ZNF133: variants seen among roughly 807,000 people sequenced by gnomAD.
ZNF133 encodes the protein zinc finger protein 133 (clone pHZ-13).
In ZNF133, 26 loss-of-function variants were observed where a neutral mutation model predicts 54.9. The ratio of observed to expected loss-of-function variants is 0.47; its 90% CI spans 0.35 to 0.66. ZNF133 has a LOEUF of 0.66. Among genes scored for constraint, ZNF133 ranks in the 30% least tolerant of loss-of-function variants. The pLI, the probability that ZNF133 is intolerant of heterozygous loss-of-function variation, is 0.01. For synonymous variants in ZNF133, 298 were observed against 320.3 expected (o/e 0.93, Z 0.74); for missense variants, 653 against 820.8 (o/e 0.80, Z 2.50).
In ZNF133 at chr20:18,300,315, A is replaced by G. The variant is rs182572485; in HGVS notation, c.-178+1851A>G. ...GTAATCCCCTTGGTTACCACAAAGAAAATATCTGTAGGATGTAGAGAAAAG... is the reference window on the plus strand; with the variant it reads ...GTAATCCCCTTGGTTACCACAAAGAGAATATCTGTAGGATGTAGAGAAAAG... On this transcript the variant is annotated intron_variant, in intron 3 of 6. Coordinates refer to ENST00000425686, the MANE Select transcript of ZNF133 (RefSeq NM_001352452.2). 2.4e-3 allele frequency among the ~76,000 whole-genome samples: 373 copies of G among 152,312 alleles called. 1 individual carries two copies. The highest frequency in any genetic ancestry group is 8.3e-3 in the African/African-American group (346 of 41,578).
chr20:18,297,303 G>T (rs1355141943), intron 1 of ZNF133, among the ~76,000 whole-genome samples: 1 of 151,704 alleles, frequency 6.6e-6, no homozygotes, highest in Non-Finnish European at 1.5e-5. Context: ...TTATAAGTTT[G>T]TCTTCATTTA....
chr20:18,310,824 C>T (rs901364177), intron 6 of ZNF133, among the ~76,000 whole-genome samples: 52 of 152,212 alleles, frequency 3.4e-4, no homozygotes, highest in African/African-American at 1.2e-3. Flanking sequence ...TCAATTTAGC[C>T]ATGTCACAAT....
chr20:18,312,710 TTTTA>T (rs1473217109), intron 6 of ZNF133: 8 of 138,720 alleles, frequency 5.8e-5, no homozygotes, highest in Non-Finnish European at 1.1e-4. Context: ...CAATTTTCAA[TTTTA>T]TTTATTTTTT....
At chr20:18,301,019 C>T (rs1253618617) in intron 3 of ZNF133, among the ~76,000 whole-genome samples, 2 of 152,102 alleles carry the variant, frequency 1.3e-5, no homozygotes, top group Non-Finnish European at 2.9e-5. Flanking sequence ...CTCAAGTACA[C>T]ATGGGACATT....
At chr20:18,289,099 C>T (rs2146683742) in intron 1 of ZNF133, among the ~76,000 whole-genome samples, 1 of 150,618 alleles carries the variant, frequency 6.6e-6, no homozygotes, top group South Asian at 2.1e-4. Context: ...TATTCTTCGG[C>T]TTTGCTGGAG....
intron 6 of ZNF133, 67 bp downstream of exon 6, chr20:18,306,460 G>T: frequency 6.7e-7 from 1 of 1,503,270 alleles, no homozygotes; most frequent in Non-Finnish European, 9.1e-7. Flanking sequence ...GGGAGAGGAG[G>T]CGTTGCTCAG....
chr20:18,294,684 G>T (rs1307181484), intron 1 of ZNF133, among the ~76,000 whole-genome samples: 13 of 152,128 alleles, frequency 8.5e-5, no homozygotes, highest in Non-Finnish European at 2.9e-5. Flanking sequence ...TGAAGAAGGG[G>T]TGTTGAGTTT....
intron 6 of ZNF133, among the ~76,000 whole-genome samples, chr20:18,312,095 G>C (rs949945278): frequency 1.3e-5 from 2 of 152,164 alleles, no homozygotes; most frequent in Non-Finnish European, 2.9e-5. Flanking sequence ...AGTCTAAACA[G>C]GAATTTCATT....
chr20:18,294,356 A>G (rs1332451508), intron 1 of ZNF133, among the ~76,000 whole-genome samples: 1 of 152,206 alleles, frequency 6.6e-6, no homozygotes, highest in Non-Finnish European at 1.5e-5. Context: ...TCTGTCACAG[A>G]TTGGAGGAGG....
chr20:18,299,710 G>A (rs547019411), intron 3 of ZNF133, among the ~76,000 whole-genome samples: 73 of 152,200 alleles, frequency 4.8e-4, no homozygotes, highest in African/African-American at 1.6e-3. Flanking sequence ...GCAACACTAC[G>A]TACAAGGGAT....
Position 18,294,521 on chromosome 20 carries a change from A to G in ZNF133, c.-431-3464A>G, listed in dbSNP as rs538837710. Among the ~76,000 whole-genome samples the G allele has an allele frequency of 4.6e-5, 7 of 152,358 alleles. No individual in the cohort carries two copies. The South Asian group carries it at 6.2e-4, about 14-fold the overall frequency. ...ATTTCCTGCTTTTGATGATTGTACTATCATTTTCTAAGATGTTAACATTAG... is the reference window on the plus strand; with the variant it reads ...ATTTCCTGCTTTTGATGATTGTACTGTCATTTTCTAAGATGTTAACATTAG... On this transcript the variant is annotated intron_variant, in intron 1 of 6. Coordinates refer to ENST00000425686, the MANE Select transcript of ZNF133 (RefSeq NM_001352452.2).
In ZNF133 at chr20:18,288,557, G is replaced by T. The variant is rs2040154959; in HGVS notation, c.-479G>T. 5.0e-6 allele frequency: 2 copies of T among 398,542 alleles called. No individual in the cohort carries two copies. The highest frequency in any genetic ancestry group is 8.8e-6 in the Non-Finnish European group (2 of 226,110). 24.7% of individuals were successfully genotyped at this position (398,542 alleles called of 1,614,324 possible). The stretch of plus-strand genomic sequence containing the variant: ...GTAGTCCTGGCGCCCCGCTGGAGGA[G>T]CTCCCCAGCTGGTGGCTGGAGCGAC... On this transcript the variant is annotated 5_prime_UTR_variant, in exon 1 of 7. Coordinates refer to ENST00000425686, the MANE Select transcript of ZNF133 (RefSeq NM_001352452.2).
At chr20:18,311,393 G>A (rs1226086210) in intron 6 of ZNF133, among the ~76,000 whole-genome samples, 1 of 152,282 alleles carries the variant, frequency 6.6e-6, no homozygotes, top group South Asian at 2.1e-4. Flanking sequence ...TTTCTAAGTT[G>A]AGTATACAAA....
At chr20:18,289,777 G>A in intron 1 of ZNF133, 1 of 152,230 alleles carries the variant, frequency 6.6e-6, no homozygotes, top group Admixed American at 6.5e-5. Context: ...AACAGGCACA[G>A]AGAAGGTCGC....
At chr20:18,313,670 C>T (rs528008569) in intron 6 of ZNF133, 26 of 152,314 alleles carry the variant, frequency 1.7e-4, no homozygotes, top group African/African-American at 5.8e-4. Context: ...TCCATAATGT[C>T]AAGGAAGTTG....
intron 6 of ZNF133, 79 bp from the exon 7 acceptor site, chr20:18,314,990 G>A: frequency 2.1e-6 from 3 of 1,434,560 alleles, no homozygotes; most frequent in Non-Finnish European, 1.9e-6. Context: ...GTGTTTTGAA[G>A]CCTAGGGGAT....
chr20:18,292,857 C>A (rs116052575), intron 1 of ZNF133, among the ~76,000 whole-genome samples: 1 of 152,248 alleles, frequency 6.6e-6, no homozygotes, highest in East Asian at 1.9e-4. Context: ...ATGAGGCAGA[C>A]TAGGATGTTG....
chr20:18,289,390 C>T (rs2040381841), intron 1 of ZNF133, among the ~76,000 whole-genome samples: 1 of 152,120 alleles, frequency 6.6e-6, no homozygotes, highest in Non-Finnish European at 1.5e-5. Context: ...TTCAAACAGC[C>T]AGAAGTAGAT....
intron 6 of ZNF133, 113 bp from the exon 7 acceptor site, chr20:18,314,956 G>T: frequency 2.9e-6 from 3 of 1,033,466 alleles, no homozygotes; most frequent in Non-Finnish European, 4.1e-6. Flanking sequence ...AGGAAGTCCC[G>T]GTTGGATGGC....
Sources: gnomAD v4.1 joint callset for allele counts (sites outside exome capture counted in the v4.1 genomes callset) on GRCh38, gnomAD v4.1.1 for gene constraint, MANE v1.5 for transcripts, NCBI Gene and HGNC (gene_info 2026-07-23, HGNC 2026-07-21) for gene names.